PTPRD: variants seen among roughly 807,000 people sequenced by gnomAD.
PTPRD encodes protein tyrosine phosphatase receptor type D.
Under a neutral mutation model 214.5 loss-of-function variants are expected in PTPRD, and 34 were observed. The ratio of observed to expected loss-of-function variants is 0.16; its 90% confidence interval spans 0.12 to 0.21. The LOEUF is 0.21. Ranked by LOEUF, PTPRD falls within the 10% of genes least tolerant of loss-of-function variation. The pLI, the probability that PTPRD is intolerant of heterozygous loss-of-function variation, is 1.00. For synonymous variants in PTPRD, 1,128 were observed against 845.7 expected, an observed-to-expected ratio of 1.33 and a Z score of -5.79; for missense variants, 2,545 against 2,398.7, an observed-to-expected ratio of 1.06 and a Z score of -1.27.
chr9:10,428,388 C>T (rs2098645290), intron 2 of PTPRD, among the ~76,000 whole-genome samples: 1 of 151,994 alleles, frequency 6.6e-6, no homozygotes, highest in Non-Finnish European at 1.5e-5. Flanking sequence ...AACAGATCTA[C>T]CTTTAAATAC....
intron 11 of PTPRD, among the ~76,000 whole-genome samples, chr9:8,787,137 G>C (rs559395029): frequency 2.0e-5 from 3 of 152,094 alleles, no homozygotes; most frequent in Non-Finnish European, 4.4e-5. Context: ...CGCCTGACCT[G>C]AGAAAACTAT....
intron 9 of PTPRD, among the ~76,000 whole-genome samples, chr9:9,262,775 T>A (rs1331338723): frequency 6.6e-6 from 1 of 151,674 alleles, no homozygotes; most frequent in African/African-American, 2.4e-5. Flanking sequence ...TTTCCATATA[T>A]GAATACATAA....
intron 8 of PTPRD, among the ~76,000 whole-genome samples, chr9:9,568,811 A>C (rs1420598210): frequency 6.6e-6 from 1 of 151,758 alleles, no homozygotes; most frequent in African/African-American, 2.4e-5. Flanking sequence ...ACAGATGAAG[A>C]CCTTTTTGTA....
intron 12 of PTPRD, among the ~76,000 whole-genome samples, chr9:8,676,442 G>C (rs1292979501): frequency 6.7e-6 from 1 of 148,824 alleles, no homozygotes; most frequent in East Asian, 2.0e-4. Flanking sequence ...TGGTGCAGTG[G>C]TGTGATCTCG....
intron 11 of PTPRD, among the ~76,000 whole-genome samples, chr9:8,999,331 C>A (rs932465207): frequency 3.0e-4 from 45 of 152,076 alleles, no homozygotes; most frequent in African/African-American, 1.0e-3. Context: ...CAACCTTCCA[C>A]AACCCCCAGC....
chr9:9,714,373 C>T lies in PTPRD; in HGVS notation c.-287+20160G>A, dbSNP rs184504978. On this transcript the variant is annotated intron_variant, in intron 7 of 45. Transcript: ENST00000381196. ...CTGCAAGGATTGACTTGGCTTCTGT[C>T]CATAGCCATATCATTCTTGGCAAAT... Among the ~76,000 whole-genome samples the T allele has an allele frequency of 1.6e-4, 24 of 152,260 alleles. No individual in the cohort carries two copies. In the East Asian group the frequency reaches 4.3e-3, roughly 27 times the overall value.
intron 10 of PTPRD, among the ~76,000 whole-genome samples, chr9:9,042,196 A>T (rs2099642146): frequency 6.6e-6 from 1 of 152,218 alleles, no homozygotes; most frequent in East Asian, 1.9e-4. Context: ...GTCTGCAACC[A>T]GAGCTTTAGG....
intron 18 of PTPRD, chr9:8,524,704 C>A (rs1289505103): frequency 1.2e-5 from 8 of 642,582 alleles, no homozygotes; most frequent in Non-Finnish European, 1.9e-5. Flanking sequence ...AATATACTTA[C>A]AAACTCCAAG....
At chr9:9,655,927 G>A (rs950534286) in intron 7 of PTPRD, among the ~76,000 whole-genome samples, 19 of 152,068 alleles carry the variant, frequency 1.2e-4, no homozygotes, top group African/African-American at 4.6e-4. Context: ...GCAGTGAACC[G>A]AGATTGCACC....
At chr9:10,373,430 A>C (rs1004334937) in intron 2 of PTPRD, among the ~76,000 whole-genome samples, 2 of 152,070 alleles carry the variant, frequency 1.3e-5, no homozygotes, top group African/African-American at 4.8e-5. Flanking sequence ...CTTAACTTTC[A>C]GTATATGAGC....
chr9:8,848,962 C>A (rs528759074), intron 11 of PTPRD, among the ~76,000 whole-genome samples: 1 of 125,622 alleles, frequency 8.0e-6, no homozygotes, highest in Non-Finnish European at 1.8e-5. Flanking sequence ...ATAATAAATG[C>A]TCAGTAAGTT....
chr9:10,298,685 A>T (rs916833557), intron 3 of PTPRD, among the ~76,000 whole-genome samples: 1 of 151,998 alleles, frequency 6.6e-6, no homozygotes, highest in Admixed American at 6.6e-5. Context: ...TTACATATAT[A>T]CATATATAAT....
chr9:10,189,963 C>A (rs1178925848), intron 3 of PTPRD, among the ~76,000 whole-genome samples: 1 of 151,980 alleles, frequency 6.6e-6, no homozygotes, highest in Non-Finnish European at 1.5e-5. Context: ...CAAGGAGGAT[C>A]AGAAAATGGA....
intron 4 of PTPRD, among the ~76,000 whole-genome samples, chr9:10,022,645 T>C (rs2096846145): frequency 6.6e-6 from 1 of 152,218 alleles, no homozygotes; most frequent in African/African-American, 2.4e-5. Flanking sequence ...GAGTATTTCA[T>C]TCTAAACTAT....
Position 8,526,628 on chromosome 9 carries a change from T to G in PTPRD, c.567A>C (p.Arg189Ser). The G allele has an allele frequency of 6.3e-7, 1 of 1,583,006 alleles. No homozygotes were observed. The highest frequency in any genetic ancestry group is 1.2e-5 in the South Asian group (1 of 85,984). The change falls in exon 17 of 46, where the codon AGA (arginine) becomes AGC (serine). Residue 189 changes from arginine (R) to serine (S), a missense_variant and splice_region_variant. Arg to Ser is a moderately radical substitution (Grantham distance 110). Transcript: ENST00000381196. The part of the protein sequence containing the change: ...RSESIGGTPI[R>S]GALQIEQSEE... ...TGAACGTTAGTTCAGCACTCTTACC[T>G]CTTATTGGTGTACCACCTGGGTGGA...
chr9:9,679,146 A>G (rs1334031354), intron 7 of PTPRD, among the ~76,000 whole-genome samples: 14 of 150,836 alleles, frequency 9.3e-5, no homozygotes, highest in Admixed American at 9.3e-4. Context: ...CTAGAAGAAA[A>G]TGAATTCCTA....
chr9:9,976,774 G>A (rs912139090), intron 4 of PTPRD, among the ~76,000 whole-genome samples: 4 of 145,590 alleles, frequency 2.7e-5, no homozygotes, highest in East Asian at 2.1e-4. Context: ...GCAAGTCTGT[G>A]TTCTTATTCT....
At chr9:9,480,129 G>A (rs943776005) in intron 8 of PTPRD, among the ~76,000 whole-genome samples, 12 of 152,130 alleles carry the variant, frequency 7.9e-5, no homozygotes, top group Non-Finnish European at 1.6e-4. Flanking sequence ...CACATTGAAA[G>A]AATAAGGGCA....
intron 2 of PTPRD, among the ~76,000 whole-genome samples, chr9:10,495,146 C>A (rs568449693): frequency 7.7e-4 from 117 of 151,644 alleles, no homozygotes; most frequent in Non-Finnish European, 1.4e-3. Context: ...TCACCTATGC[C>A]CTAGTTTCTC....
Sources: gnomAD v4.1 joint callset for allele counts (sites outside exome capture counted in the v4.1 genomes callset) on GRCh38, gnomAD v4.1.1 for gene constraint, MANE v1.5 for transcripts, NCBI Gene and HGNC (gene_info 2026-07-23, HGNC 2026-07-21) for gene names.